The following LCK variants were observed in gnomAD, a reference collection of about 807,000 sequenced individuals.
The protein encoded by LCK is tyrosine-protein kinase Lck.
In LCK, 14 loss-of-function variants were observed where a neutral mutation model predicts 64.6. The observed-to-expected ratio is 0.22, with a 90% CI of 0.14 to 0.34. The LOEUF (loss-of-function observed/expected upper bound fraction) is 0.34. Ranked by LOEUF, LCK falls within the 10% of genes least tolerant of loss-of-function variation. LCK has a pLI of 1.00. For missense variants in LCK, 434 were observed against 668.1 expected (o/e 0.65, Z 3.86); for synonymous variants, 277 against 263.6 (o/e 1.05, Z -0.49).
At chr1:32,269,507 C>T (rs1289379246) in intron 1 of LCK, 1 of 151,772 alleles carries the variant, frequency 6.6e-6, no homozygotes, top group African/African-American at 2.4e-5. Context: ...GGTCTCAGCT[C>T]ACTGCAACCT....
chr1:32,278,426 C>T (rs1015766216), intron 9 of LCK, among the ~76,000 whole-genome samples: 8 of 151,952 alleles, frequency 5.3e-5, no homozygotes, highest in African/African-American at 1.9e-4. Flanking sequence ...TCAGCCTCCC[C>T]CTCCTGGGTT....
Position 32,276,634 on chromosome 1 carries a change from C to T in LCK, c.812C>T (p.Ala271Val), listed in dbSNP as rs1640281418. Residue 271 changes from alanine (A) to valine (V), a missense_variant, in exon 9 of 13, where the codon GCG (alanine) becomes GTG (valine). Ala to Val is a moderately conservative substitution (Grantham distance 64). Around this residue, in one of 2 missense-constraint regions of LCK, gnomAD observed 201 missense variants for 376.9 expected, o/e 0.53. Transcript: ENST00000336890. This position sits in a 1 kb window ranked among gnomAD's most constrained non-coding sequence, Gnocchi z 4.6. ...TACTACAACGGGCACACGAAGGTGG[C>T]GGTGAAGAGCCTGAAGCAGGGCAGC... ...MGYYNGHTKV[A>V]VKSLKQGSMS... is the part of the protein sequence containing the mutation. 2 of 1,612,908 alleles carry T rather than the reference C, an allele frequency of 1.2e-6. No homozygotes were observed.
At chr1:32,258,249 C>T (rs1393710341) in intron 1 of LCK, among the ~76,000 whole-genome samples, 6 of 149,974 alleles carry the variant, frequency 4.0e-5, no homozygotes, top group Non-Finnish European at 7.4e-5. Flanking sequence ...TGCCACCGCA[C>T]TCCAGCCTGG....
chr1:32,274,597 A>T (rs1392696604), intron 2 of LCK, 140 bp from the exon 3 acceptor site: 7 of 909,698 alleles, frequency 7.7e-6, no homozygotes, highest in Middle Eastern at 3.4e-4. Flanking sequence ...ATCTCCTAAG[A>T]TCACACAGAA....
chr1:32,266,271 T>A (rs1250174167), intron 1 of LCK, among the ~76,000 whole-genome samples: 1 of 147,884 alleles, frequency 6.8e-6, no homozygotes, highest in South Asian at 2.1e-4. Flanking sequence ...GGCGGGCAAA[T>A]CACAAGGTCA....
intron 12 of LCK, among the ~76,000 whole-genome samples, chr1:32,280,437 CTTTTTCTTTTTTTTTTTT>C (rs1640419177): frequency 9.5e-6 from 1 of 104,796 alleles, no homozygotes; most frequent in African/African-American, 3.6e-5. Context: ...CTCTTTTTTT[CTTTTTCTTTTTTTTTTTT>C]TTTTTTTTTT....
At chr1:32,263,503 G>A (rs1557574797) in intron 1 of LCK, among the ~76,000 whole-genome samples, 1 of 152,036 alleles carries the variant, frequency 6.6e-6, no homozygotes, top group African/African-American at 2.4e-5. Flanking sequence ...TTCGGAGTCT[G>A]AGGTGGGAGG....
chr1:32,257,245 T>G (rs1032333928), intron 1 of LCK, among the ~76,000 whole-genome samples: 9 of 151,056 alleles, frequency 6.0e-5, no homozygotes, highest in African/African-American at 9.8e-5. Flanking sequence ...GTTTTTTTTT[T>G]TTTTGTTTTT....
At chr1:32,263,881 C>T (rs1224608053) in intron 1 of LCK, among the ~76,000 whole-genome samples, 1 of 151,794 alleles carries the variant, frequency 6.6e-6, no homozygotes, top group Non-Finnish European at 1.5e-5. Context: ...CACTGCACTG[C>T]ACTCCAGCCT....
chr1:32,262,801 A>C (rs1335964667), intron 1 of LCK, among the ~76,000 whole-genome samples: 1 of 151,750 alleles, frequency 6.6e-6, no homozygotes, highest in Non-Finnish European at 1.5e-5. Flanking sequence ...GGTCAGTAAA[A>C]AGAAAATCAA....
intron 3 of LCK, 42 bp from the exon 4 acceptor site, chr1:32,274,951 C>T (rs1308530642): frequency 1.2e-6 from 2 of 1,614,168 alleles, no homozygotes; most frequent in Admixed American, 1.7e-5. Context: ...GGCTTCCTGC[C>T]GATCCCAGCT....
In LCK at chr1:32,275,930, G is replaced by T. The variant is rs1434128895; in HGVS notation, c.498G>T (p.Ser166=). 2 of 1,614,112 alleles carry T rather than the reference G, an allele frequency of 1.2e-6. No homozygotes were observed. The highest frequency in any genetic ancestry group is 1.7e-6 in the Non-Finnish European group (2 of 1,180,010). The change falls in exon 7 of 13, where the codon TCG becomes TCT. Residue 166 remains serine (S), a synonymous_variant. Transcript: ENST00000336890. This position sits in a 1 kb window ranked among gnomAD's most constrained non-coding sequence, Gnocchi z 6.9. ...TTCATTCAGGATCGTTTTCACTGTC[G>T]GTCCGGGACTTCGACCAGAACCAGG... The part of the protein sequence containing the change: ...SESTAGSFSL[S]VRDFDQNQGE...
intron 1 of LCK, among the ~76,000 whole-genome samples, chr1:32,259,374 C>G (rs1169281086): frequency 1.3e-5 from 2 of 151,336 alleles, no homozygotes; most frequent in East Asian, 3.9e-4. Flanking sequence ...TAATCCCACA[C>G]TTTGGGAGGC....
At chr1:32,253,912 T>C (rs566609687) in intron 1 of LCK, among the ~76,000 whole-genome samples, 3 of 152,040 alleles carry the variant, frequency 2.0e-5, no homozygotes, top group East Asian at 1.9e-4. Flanking sequence ...AAAATCTACG[T>C]GTACAGATGT....
At chr1:32,272,786 CTGTGTGTGGGTGTT>C (rs1189848657) in intron 1 of LCK, among the ~76,000 whole-genome samples, 2 of 139,796 alleles carry the variant, frequency 1.4e-5, no homozygotes, top group Non-Finnish European at 3.1e-5. Flanking sequence ...GTGGGGGTGC[CTGTGTGTGGGTGTT>C]TGTGTGTGTG....
At chr1:32,261,726 G>A (rs1008650645) in intron 1 of LCK, among the ~76,000 whole-genome samples, 17 of 150,032 alleles carry the variant, frequency 1.1e-4, no homozygotes, top group Non-Finnish European at 2.2e-4. Context: ...GGCCGAGGTG[G>A]GCAGATCATG....
chr1:32,255,033 G>C (rs763321327), intron 1 of LCK, among the ~76,000 whole-genome samples: 2 of 151,938 alleles, frequency 1.3e-5, no homozygotes, highest in Non-Finnish European at 2.9e-5. Flanking sequence ...ACAGTAAGAG[G>C]CATATAAAGA....
intron 1 of LCK, among the ~76,000 whole-genome samples, chr1:32,260,849 TGGCCTC>T (rs1434257630): frequency 3.9e-5 from 6 of 152,188 alleles, no homozygotes; most frequent in Admixed American, 3.9e-4. Flanking sequence ...CTTGAACTCC[TGGCCTC>T]GAGTGATCCT....
rs893949782 is a variant in LCK at position 32,278,747 on chromosome 1, C to T, written c.965-924C>T. ...TGATTAGTAACATCTGCCATGGATACAATGGAAGAATGGCAGTATATCTAT... is the reference window on the plus strand; with the variant it reads ...TGATTAGTAACATCTGCCATGGATATAATGGAAGAATGGCAGTATATCTAT... On this transcript the variant is annotated intron_variant, in intron 9 of 12. Coordinates refer to ENST00000336890, the MANE Select transcript of LCK (RefSeq NM_005356.5). 1.3e-5 allele frequency among the ~76,000 whole-genome samples: 2 copies of T among 152,160 alleles called. 1 individual carries two copies. The highest frequency in any genetic ancestry group is 2.9e-5 in the Non-Finnish European group (2 of 68,034).
Sources: allele counts gnomAD v4.1 joint callset (sites outside exome capture counted in the v4.1 genomes callset), GRCh38; gene constraint gnomAD v4.1.1; regional missense constraint gnomAD v4.1.1; non-coding constraint Gnocchi (gnomAD v3.1); transcripts MANE v1.5; gene names NCBI Gene and HGNC (gene_info 2026-07-23, HGNC 2026-07-21).